The following GRID2 variants were observed in gnomAD, a reference collection of about 807,000 sequenced individuals.
The protein encoded by GRID2 is glutamate ionotropic receptor delta type subunit 2.
A neutral mutation model predicts 114.8 loss-of-function variants in GRID2; 33 were observed. The ratio of observed to expected loss-of-function variants is 0.29; its 90% CI spans 0.22 to 0.38. The LOEUF (loss-of-function observed/expected upper bound fraction) is 0.38, where lower values mean the gene tolerates loss of function less well. GRID2 is among the 10% of genes least tolerant of loss of function. GRID2 has a pLI of 1.00. For missense variants in GRID2, 1,184 were observed against 1,257.7 expected (o/e 0.94, Z 0.89); for synonymous variants, 505 against 449.9 (o/e 1.12, Z -1.55).
chr4:93,650,162 C>G (rs905243432), intron 14 of GRID2, among the ~76,000 whole-genome samples: 13 of 152,070 alleles, frequency 8.5e-5, no homozygotes, highest in African/African-American at 3.1e-4. Flanking sequence ...TGAAATCCAG[C>G]CACCTTTATT....
At chr4:93,397,868 T>A (rs1021718165) in intron 9 of GRID2, among the ~76,000 whole-genome samples, 1 of 151,902 alleles carries the variant, frequency 6.6e-6, no homozygotes, top group Non-Finnish European at 1.5e-5. Flanking sequence ...TACCGAATTA[T>A]ATATTTATTT....
intron 2 of GRID2, among the ~76,000 whole-genome samples, chr4:92,908,887 T>A (rs1470853697): frequency 1.3e-5 from 2 of 152,196 alleles, no homozygotes; most frequent in African/African-American, 4.8e-5. Context: ...GCTGTCCTTA[T>A]ATCTTCATCA....
chr4:93,786,145 T>A (rs1462471785), intron 1 of GRID2, among the ~76,000 whole-genome samples: 1 of 152,202 alleles, frequency 6.6e-6, no homozygotes, highest in Non-Finnish European at 1.5e-5. Flanking sequence ...TATTGTCAAG[T>A]GTTACTCAGG....
intron 12 of GRID2, among the ~76,000 whole-genome samples, chr4:93,500,770 T>G (rs1560686898): frequency 6.6e-6 from 1 of 152,008 alleles, no homozygotes; most frequent in South Asian, 2.1e-4. Context: ...TTGCTACTAA[T>G]AGAGACTGGC....
intron 8 of GRID2, among the ~76,000 whole-genome samples, chr4:93,287,032 A>T (rs1209617735): frequency 6.6e-6 from 1 of 152,060 alleles, no homozygotes; most frequent in African/African-American, 2.4e-5. Context: ...TATATATGAT[A>T]CCCAGCGTTA....
At chr4:93,618,191 AT>A (rs1578411484) in intron 13 of GRID2, among the ~76,000 whole-genome samples, 2 of 152,168 alleles carry the variant, frequency 1.3e-5, no homozygotes, top group Non-Finnish European at 2.9e-5. Flanking sequence ...GGGCTGGATT[AT>A]TTGTTGTAGC....
intron 11 of GRID2, among the ~76,000 whole-genome samples, chr4:93,479,594 G>A (rs779643739): frequency 3.9e-5 from 6 of 152,056 alleles, no homozygotes; most frequent in African/African-American, 1.4e-4. Flanking sequence ...GGGATGGGGC[G>A]GGGAACTAGC....
intron 2 of GRID2, among the ~76,000 whole-genome samples, chr4:92,732,447 C>G (rs1163812080): frequency 6.6e-6 from 1 of 151,916 alleles, no homozygotes; most frequent in East Asian, 1.9e-4. Flanking sequence ...CACCTGCATT[C>G]AAAGAACTCC....
chr4:92,677,302 A>C (rs1192354385), intron 2 of GRID2, among the ~76,000 whole-genome samples: 1 of 152,204 alleles, frequency 6.6e-6, no homozygotes. Flanking sequence ...CATAAAAAAG[A>C]GATTAAAAAA....
chr4:93,664,051 A>G (rs1321099031), intron 14 of GRID2, among the ~76,000 whole-genome samples: 6 of 152,336 alleles, frequency 3.9e-5, no homozygotes, highest in African/African-American at 1.4e-4. Context: ...GGTCAAGGAT[A>G]AACTCTCTAA....
chr4:93,592,449 C>T (rs1276138976), intron 13 of GRID2, among the ~76,000 whole-genome samples: 1 of 152,054 alleles, frequency 6.6e-6, no homozygotes, highest in African/African-American at 2.4e-5. Flanking sequence ...TGTTCTTTTA[C>T]ATTTGCTGAG....
intron 4 of GRID2, chr4:93,112,211 TGGA>T (rs1732834358): frequency 2.6e-5 from 4 of 152,278 alleles, no homozygotes; most frequent in Middle Eastern, 6.8e-3. Flanking sequence ...TCATTTTTGT[TGGA>T]GGAGATCAGA....
intron 9 of GRID2, among the ~76,000 whole-genome samples, chr4:93,409,271 T>C (rs1766856678): frequency 6.6e-6 from 1 of 152,060 alleles, no homozygotes; most frequent in African/African-American, 2.4e-5. Context: ...GAGGTAAAGA[T>C]TGGTATAGCA....
chr4:92,498,983 T>C (rs1397911261), intron 1 of GRID2, among the ~76,000 whole-genome samples: 1 of 151,128 alleles, frequency 6.6e-6, no homozygotes, highest in Non-Finnish European at 1.5e-5. Flanking sequence ...TTGTCCAATT[T>C]TGTGACCTGA....
chr4:93,694,329 A>G (rs1726825467), intron 14 of GRID2, among the ~76,000 whole-genome samples: 1 of 152,062 alleles, frequency 6.6e-6, no homozygotes, highest in African/African-American at 2.4e-5. Flanking sequence ...AGAACCTACT[A>G]CTTTGTTATT....
chr4:93,519,640 C>A lies in GRID2; in HGVS notation c.2193+4229C>A, dbSNP rs1730137003. The stretch of plus-strand genomic sequence containing the variant: ...TTATAACTCTTGGGGAAAAACAAAT[C>A]ATTCTAGAATCTCAGCATAGAAGAC... On this transcript the variant is annotated intron_variant, in intron 13 of 15. Transcript: ENST00000282020. Among the ~76,000 whole-genome samples the A allele has an allele frequency of 1.3e-5, 2 of 152,198 alleles. 1 individual carries two copies. The highest frequency in any genetic ancestry group is 4.2e-4 in the South Asian group (2 of 4,818).
intron 9 of GRID2, among the ~76,000 whole-genome samples, chr4:93,421,269 C>T (rs562175526): frequency 6.6e-6 from 1 of 152,114 alleles, no homozygotes; most frequent in East Asian, 1.9e-4. Context: ...GGCCATGAAG[C>T]AAGCCACTTT....
chr4:93,567,249 C>T (rs1050150504), intron 13 of GRID2, among the ~76,000 whole-genome samples: 1 of 152,144 alleles, frequency 6.6e-6, no homozygotes, highest in Non-Finnish European at 1.5e-5. Flanking sequence ...ATGGTTATTT[C>T]CCCCCACATT....
At chr4:93,029,593 A>C (rs995962488) in intron 2 of GRID2, among the ~76,000 whole-genome samples, 2 of 152,138 alleles carry the variant, frequency 1.3e-5, no homozygotes, top group Admixed American at 6.6e-5. Flanking sequence ...TTCACACTAA[A>C]AATATCATAT....
Sources: gnomAD v4.1 joint callset for allele counts (sites outside exome capture counted in the v4.1 genomes callset) on GRCh38, gnomAD v4.1.1 for gene constraint, MANE v1.5 for transcripts, NCBI Gene and HGNC (gene_info 2026-07-23, HGNC 2026-07-21) for gene names.